The following KYAT1 variants were observed in gnomAD, a reference collection of about 807,000 sequenced individuals.
KYAT1 encodes kynurenine aminotransferase 1, also known as kynurenine--oxoglutarate transaminase 1.
A neutral mutation model predicts 52.4 loss-of-function variants in KYAT1; 47 were observed. The observed-to-expected ratio is 0.90, with a 90% CI of 0.71 to 1.14. The LOEUF (loss-of-function observed/expected upper bound fraction) is 1.14. KYAT1 is among the 50% of genes most tolerant of loss of function. KYAT1 has a pLI of 0.00. For synonymous variants in KYAT1, 212 were observed against 209.6 expected, an observed-to-expected ratio of 1.01 and a Z score of -0.10; for missense variants, 480 against 557.9, an observed-to-expected ratio of 0.86 and a Z score of 1.41.
At chr9:128,847,912 T>C (rs2759011) in intron 1 of KYAT1, among the ~76,000 whole-genome samples, 151,462 of 152,296 alleles carry the variant, frequency 0.99, 75,320 homozygotes, top group Middle Eastern at 1. Context: ...TGGAAACACA[T>C]ACACCACCTG....
chr9:128,844,954 C>CT (rs1832836099), intron 2 of KYAT1, among the ~76,000 whole-genome samples: 1 of 152,150 alleles, frequency 6.6e-6, no homozygotes, highest in Non-Finnish European at 1.5e-5. Flanking sequence ...ATCTTACTTG[C>CT]TTATTTTACT....
At chr9:128,851,360 C>T (rs902646126) in intron 1 of KYAT1, among the ~76,000 whole-genome samples, 6 of 152,128 alleles carry the variant, frequency 3.9e-5, no homozygotes, top group Non-Finnish European at 7.4e-5. Context: ...TGCTTGTGCG[C>T]TCGGAGGAAT....
intron 1 of KYAT1, among the ~76,000 whole-genome samples, chr9:128,848,750 G>A (rs1833483754): frequency 6.6e-6 from 1 of 150,508 alleles, no homozygotes; most frequent in African/African-American, 2.4e-5. Context: ...TTAGGAGGTG[G>A]AGGATGCAGT....
chr9:128,853,615 A>C (rs947658592), intron 1 of KYAT1, among the ~76,000 whole-genome samples: 2 of 152,222 alleles, frequency 1.3e-5, no homozygotes, highest in Admixed American at 6.5e-5. Flanking sequence ...TTCCCATTTT[A>C]TATTACTCAT....
intron 3 of KYAT1, chr9:128,840,788 TCAAA>T: frequency 3.4e-6 from 1 of 298,306 alleles, no homozygotes; most frequent in South Asian, 2.9e-5. Flanking sequence ...ACTCCTGGGC[TCAAA>T]CAATCTTCCT....
At position 128,854,935 on chromosome 9, in the gene KYAT1, G is replaced by T. The variant is rs528706938; in HGVS notation, c.-6-9524C>A. ...GCCTACAACCCAAAATTGGTTGGTA[G>T]AAGTATCTACTGTCAGTGCCACCAA... On this transcript the variant is annotated intron_variant, in intron 1 of 12. Transcript: ENST00000302586. Among the ~76,000 whole-genome samples, 7 of 152,294 alleles carry T rather than the reference G, an allele frequency of 4.6e-5. No individual in the cohort carries two copies. In the South Asian group the frequency reaches 1.5e-3, roughly 32 times the overall value.
At chr9:128,865,308 CATATATATATATAT>C (rs869044608) in intron 1 of KYAT1, among the ~76,000 whole-genome samples, 139 of 36,906 alleles carry the variant, frequency 3.8e-3, no homozygotes, top group South Asian at 0.01. Flanking sequence ...GCAGAGCCTA[CATATATATATATAT>C]ATATATATAT....
intron 1 of KYAT1, among the ~76,000 whole-genome samples, chr9:128,864,647 C>T (rs571822509): frequency 2.0e-5 from 3 of 152,094 alleles, no homozygotes; most frequent in African/African-American, 7.2e-5. Flanking sequence ...CGTGCTCTGT[C>T]GCCCAGGCTG....
chr9:128,856,888 T>G (rs1834691732), intron 1 of KYAT1, among the ~76,000 whole-genome samples: 1 of 152,028 alleles, frequency 6.6e-6, no homozygotes, highest in South Asian at 2.1e-4. Context: ...CCGTAAAGGG[T>G]CTGTGCTGAG....
In KYAT1 at chr9:128,838,143, A is replaced by G. The variant is rs1831475111; in HGVS notation, c.352-6T>C. 1.2e-6 allele frequency: 2 copies of G among 1,614,116 alleles called. No homozygotes were observed. Among genetic ancestry groups the G allele is most frequent in the Middle Eastern group, 1.6e-4 (1 of 6,062 alleles). ...AAGGGTTCGATGATGATGACCTGAT[A>G]TAAGGGTCAAATCAGCTGGAGTCAG... On this transcript the variant is annotated splice_polypyrimidine_tract_variant and splice_region_variant and intron_variant, in intron 4 of 12. Transcript: ENST00000302586.
At chr9:128,867,461 G>A (rs533992046) in intron 1 of KYAT1, among the ~76,000 whole-genome samples, 1 of 152,150 alleles carries the variant, frequency 6.6e-6, no homozygotes, top group East Asian at 1.9e-4. Flanking sequence ...TTACAGGTGT[G>A]AGCCAGTGCA....
At chr9:128,879,485 G>C (rs1838508361) in intron 1 of KYAT1, among the ~76,000 whole-genome samples, 1 of 152,200 alleles carries the variant, frequency 6.6e-6, no homozygotes, top group African/African-American at 2.4e-5. Context: ...TTTGGAGCTT[G>C]GAGAGGTTAG....
chr9:128,846,822 C>T (rs932944800), intron 1 of KYAT1: 15 of 1,535,426 alleles, frequency 9.8e-6, no homozygotes, highest in Middle Eastern at 1.7e-4. Flanking sequence ...GCTGGTGGGC[C>T]GTGGAGCTGG....
At chr9:128,844,072 C>A (rs1181901658) in intron 2 of KYAT1, among the ~76,000 whole-genome samples, 2 of 152,184 alleles carry the variant, frequency 1.3e-5, no homozygotes, top group Non-Finnish European at 2.9e-5. Context: ...CCAGCCCAGG[C>A]ACACATCATC....
chr9:128,864,490 C>T (rs898151138), intron 1 of KYAT1, among the ~76,000 whole-genome samples: 2 of 151,252 alleles, frequency 1.3e-5, no homozygotes, highest in South Asian at 4.2e-4. Flanking sequence ...TCTTGTAAAA[C>T]TGACAACTCT....
rs528324992 is a variant in KYAT1, at chr9:128,838,077, G to A, written c.412C>T (p.Arg138Cys). Residue 138 changes from arginine (R) to cysteine (C), a missense_variant, in exon 5 of 13, where the codon CGT becomes TGT. Coordinates refer to ENST00000302586, the MANE Select transcript of KYAT1 (RefSeq NM_004059.5). Reference sequence around the variant, plus strand: ...GGCTTCAGGGACACAAACACAGGACGACCCCCTGCCATCATTGTCATGGGC... The same window carrying A: ...GGCTTCAGGGACACAAACACAGGACAACCCCCTGCCATCATTGTCATGGGC... ...YEPMTMMAGG[R>C]PVFVSLKPGP... 93 of 1,613,990 alleles carry A rather than the reference G, an allele frequency of 5.8e-5. No homozygotes were observed. The East Asian group carries it at 1.8e-3, about 31-fold the overall frequency.
chr9:128,867,215 T>C (rs900837029), intron 1 of KYAT1, among the ~76,000 whole-genome samples: 9 of 152,238 alleles, frequency 5.9e-5, no homozygotes, highest in Non-Finnish European at 1.0e-4. Context: ...GGTCTTGCTC[T>C]GTCACTCAGT....
intron 1 of KYAT1, among the ~76,000 whole-genome samples, chr9:128,866,833 G>A (rs1339355692): frequency 2.0e-5 from 3 of 151,702 alleles, no homozygotes; most frequent in Non-Finnish European, 4.4e-5. Context: ...TTGAGCCCAG[G>A]AGGCGGAGGT....
chr9:128,879,746 T>C (rs1316191525), intron 1 of KYAT1, among the ~76,000 whole-genome samples: 1 of 152,180 alleles, frequency 6.6e-6, no homozygotes, highest in Non-Finnish European at 1.5e-5. Flanking sequence ...AGAAGCCCCT[T>C]CTGACTCCAC....
Sources: gnomAD v4.1 joint callset for allele counts (sites outside exome capture counted in the v4.1 genomes callset) on GRCh38, gnomAD v4.1.1 for gene constraint, MANE v1.5 for transcripts, NCBI Gene and HGNC (gene_info 2026-07-23, HGNC 2026-07-21) for gene names.